The following FRMPD4 variants were observed in gnomAD, a reference collection of about 807,000 sequenced individuals.
FRMPD4 encodes the protein FERM and PDZ domain-containing protein 4.
In FRMPD4, 22 loss-of-function variants were observed where a neutral mutation model predicts 94.1. The ratio of observed to expected loss-of-function variants is 0.23; its 90% CI spans 0.17 to 0.33. The LOEUF (loss-of-function observed/expected upper bound fraction) is 0.33, where lower values mean the gene tolerates loss of function less well. FRMPD4 is among the 10% of genes least tolerant of loss of function. The probability of loss-of-function intolerance (pLI) is 1.00; values close to 1 mark genes in which losing one functional copy is unlikely to be tolerated. For synonymous variants in FRMPD4, 631 were observed against 548.6 expected (o/e 1.15, Z -2.10); for missense variants, 1,111 against 1,339.9 (o/e 0.83, Z 2.67).
chrX:11,968,523 T>C (rs1006221478), intron 3 of FRMPD4, among the ~76,000 whole-genome samples: 1 of 111,627 alleles, frequency 9.0e-6, no homozygotes, highest in Admixed American at 9.5e-5. Context: ...CATAGCATTT[T>C]CGCTTAGCAC....
intron 1 of FRMPD4, among the ~76,000 whole-genome samples, chrX:12,165,230 G>A (rs1294682032): frequency 3.6e-5 from 4 of 112,197 alleles, no homozygotes; most frequent in Admixed American, 9.4e-5. Flanking sequence ...TTTTGTATAA[G>A]GTGTAAGGAA....
chrX:12,213,901 A>C (rs1364577869), intron 1 of FRMPD4, among the ~76,000 whole-genome samples: 2 of 112,313 alleles, frequency 1.8e-5, no homozygotes, highest in African/African-American at 6.4e-5. Flanking sequence ...TTAGATGTAT[A>C]TTGAAGATTA....
At chrX:12,720,050 G>A (rs376745400) in intron 16 of FRMPD4, among the ~76,000 whole-genome samples, 44 of 10,024 alleles carry the variant, frequency 4.4e-3, no homozygotes, top group African/African-American at 0.011. Context: ...GAAAGGAAAG[G>A]AAAGAAAGAA....
At chrX:11,960,192 G>A (rs2054277073) in intron 3 of FRMPD4, among the ~76,000 whole-genome samples, 1 of 112,082 alleles carries the variant, frequency 8.9e-6, no homozygotes, top group Admixed American at 9.4e-5. Context: ...GAGCGGTTAG[G>A]ATTTCCTATG....
At chrX:12,653,543 C>T (rs2059617847) in intron 4 of FRMPD4, among the ~76,000 whole-genome samples, 1 of 111,510 alleles carries the variant, frequency 9.0e-6, no homozygotes, top group African/African-American at 3.3e-5. Context: ...GGGCTCTGCC[C>T]ACTGGCAAGA....
intron 1 of FRMPD4, among the ~76,000 whole-genome samples, chrX:12,375,694 C>T (rs891505205): frequency 4.4e-5 from 5 of 112,362 alleles, no homozygotes; most frequent in Admixed American, 9.4e-5. Context: ...GATCCAACAA[C>T]ACCACAGACA....
At chrX:12,096,328 G>C (rs1336576506) in intron 3 of FRMPD4, among the ~76,000 whole-genome samples, 2 of 112,248 alleles carry the variant, frequency 1.8e-5, no homozygotes, top group Admixed American at 9.4e-5. Flanking sequence ...GTGGAATTGG[G>C]TTGCCTCCAT....
At chrX:12,446,896 G>A (rs752858581) in intron 1 of FRMPD4, among the ~76,000 whole-genome samples, 3 of 111,728 alleles carry the variant, frequency 2.7e-5, no homozygotes, top group South Asian at 3.8e-4. Context: ...CAATGAGAGC[G>A]AGCACTGCTG....
intron 1 of FRMPD4, among the ~76,000 whole-genome samples, chrX:12,402,988 CACAA>C (rs1191875054): frequency 2.7e-5 from 3 of 112,382 alleles, no homozygotes; most frequent in East Asian, 2.8e-4. Flanking sequence ...GTTACAGCAG[CACAA>C]ACAGACTAAG....
At position 12,720,692 on chromosome X, in the gene FRMPD4, G is replaced by T; in HGVS notation, c.4123G>T (p.Ala1375Ser). The stretch of plus-strand genomic sequence containing the variant: ...TAATGATTTCTCCCAAGCAAATCAG[G>T]CATACGGAGAGGCTGTGAGCTGGCG... The part of the protein sequence containing the change: ...DPNDFSQANQ[A>S]YGEAVSWRPP... The change falls in exon 17 of 17, where the codon GCA becomes TCA. Residue 1375 changes from alanine to serine, a missense_variant. Transcript: ENST00000675598. 8.3e-6 allele frequency: 9 copies of T among 1,087,052 alleles called. No homozygotes were observed. The highest frequency in any genetic ancestry group is 1.1e-5 in the Non-Finnish European group (9 of 836,533). 89.6% of individuals were successfully genotyped at this position (1,087,052 alleles called of 1,213,427 possible).
chrX:12,600,667 C>T (rs975372096), intron 2 of FRMPD4, among the ~76,000 whole-genome samples: 1 of 111,955 alleles, frequency 8.9e-6, no homozygotes, highest in Non-Finnish European at 1.9e-5. Flanking sequence ...CATAGCTGCT[C>T]GACTTTATTT....
At chrX:12,552,296 A>G in intron 2 of FRMPD4, among the ~76,000 whole-genome samples, 1 of 111,590 alleles carries the variant, frequency 9.0e-6, no homozygotes, top group East Asian at 2.8e-4. Context: ...TACTTTTTAC[A>G]ATAAACTACA....
intron 3 of FRMPD4, among the ~76,000 whole-genome samples, chrX:12,040,780 C>T (rs188337861): frequency 3.5e-4 from 38 of 109,614 alleles, no homozygotes; most frequent in Non-Finnish European, 6.1e-4. Flanking sequence ...CCGCCCACCT[C>T]GGCCTCCCAA....
chrX:12,205,873 T>C (rs2056686776), intron 1 of FRMPD4, among the ~76,000 whole-genome samples: 3 of 112,254 alleles, frequency 2.7e-5, no homozygotes, highest in Non-Finnish European at 5.6e-5. Context: ...TAATTATAGA[T>C]TCAAAGAAGA....
chrX:12,508,936 G>A (rs2058013671), intron 2 of FRMPD4, among the ~76,000 whole-genome samples: 1 of 97,797 alleles, frequency 1.0e-5, no homozygotes, highest in Admixed American at 1.2e-4. Context: ...AGATTGCAGT[G>A]AGCTGAGATC....
chrX:11,907,283 A>G (rs1014717951), intron 3 of FRMPD4, among the ~76,000 whole-genome samples: 2 of 111,143 alleles, frequency 1.8e-5, no homozygotes, highest in African/African-American at 6.5e-5. Context: ...CATTAAAAAA[A>G]TCAACTCCTT....
chrX:12,089,680 CTCTA>C (rs1357061403), intron 3 of FRMPD4, among the ~76,000 whole-genome samples: 1 of 111,894 alleles, frequency 8.9e-6, no homozygotes. Context: ...AATTATCTAT[CTCTA>C]TATATCTATG....
chrX:12,447,661 C>A (rs2057214668), intron 1 of FRMPD4, among the ~76,000 whole-genome samples: 2 of 111,770 alleles, frequency 1.8e-5, no homozygotes, highest in Admixed American at 9.5e-5. Context: ...CATTTTACAG[C>A]CTACCTACGT....
At chrX:12,652,835 T>C (rs1569389119) in intron 4 of FRMPD4, among the ~76,000 whole-genome samples, 1 of 111,668 alleles carries the variant, frequency 9.0e-6, no homozygotes. Flanking sequence ...TGGCAAGGCC[T>C]CTGAAAGATT....
Sources: allele counts gnomAD v4.1 joint callset (sites outside exome capture counted in the v4.1 genomes callset), GRCh38; gene constraint gnomAD v4.1.1; transcripts MANE v1.5; gene names NCBI Gene and HGNC (gene_info 2026-07-23, HGNC 2026-07-21).